The following RFTN1 variants were observed in gnomAD, a reference collection of about 807,000 sequenced individuals.
RFTN1 encodes the protein raftlin.
A neutral mutation model predicts 46.5 loss-of-function variants in RFTN1; 26 were observed. The ratio of observed to expected loss-of-function variants is 0.56; its 90% CI spans 0.41 to 0.78. The LOEUF is 0.78. Among genes scored for constraint, RFTN1 ranks in the 30% least tolerant of loss-of-function variants. The pLI is 0.00. For missense variants in RFTN1, 693 were observed against 718.7 expected (o/e 0.96, Z 0.41); for synonymous variants, 261 against 284.2 (o/e 0.92, Z 0.82).
At chr3:16,358,984 A>G (rs1338964683) in intron 6 of RFTN1, among the ~76,000 whole-genome samples, 1 of 148,216 alleles carries the variant, frequency 6.7e-6, no homozygotes, top group Non-Finnish European at 1.5e-5. Flanking sequence ...GTGAGCCGAG[A>G]TAGCACCACT....
In RFTN1 at chr3:16,473,373, A is replaced by G. The variant is rs1245199308; in HGVS notation, c.145+20352T>C. ...CCTGTCAGATGATTAAATAAGGTCC[A>G]CAAAAATACTCTGTTTTCTTTCTTT... On this transcript the variant is annotated intron_variant, in intron 2 of 9. Coordinates refer to ENST00000334133, the MANE Select transcript of RFTN1 (RefSeq NM_015150.2). The surrounding 1 kb of genome is among the most constrained non-coding windows in gnomAD (Gnocchi z 5.3). Among the ~76,000 whole-genome samples, 3 of 151,900 alleles carry G rather than the reference A, an allele frequency of 2.0e-5. No homozygotes were observed. Among genetic ancestry groups the G allele is most frequent in the African/African-American group, 7.3e-5 (3 of 41,354 alleles).
chr3:16,458,472 G>A lies in RFTN1; in HGVS notation c.146-24435C>T, dbSNP rs1490860223. Among the ~76,000 whole-genome samples the A allele has an allele frequency of 6.6e-6, 1 of 152,210 alleles. No homozygotes were observed. The highest frequency in any genetic ancestry group is 1.9e-4 in the East Asian group (1 of 5,202). On this transcript the variant is annotated intron_variant, in intron 2 of 9. Coordinates refer to ENST00000334133, the MANE Select transcript of RFTN1 (RefSeq NM_015150.2). This position sits in a 1 kb window ranked among gnomAD's most constrained non-coding sequence, Gnocchi z 5.1. ...ATGATGTGAATTTTTCCTTTCACTT[G>A]TCATTAATTCTGTTCATCTGCAAGA...
intron 4 of RFTN1, among the ~76,000 whole-genome samples, chr3:16,399,969 A>G (rs1327258705): frequency 6.6e-6 from 1 of 152,160 alleles, no homozygotes; most frequent in Non-Finnish European, 1.5e-5. Flanking sequence ...GTCTATGAAG[A>G]GTTACTCCAA....
chr3:16,475,967 G>A lies in RFTN1; in HGVS notation c.145+17758C>T, dbSNP rs1262661530. Among the ~76,000 whole-genome samples the A allele has an allele frequency of 6.6e-6, 1 of 152,198 alleles. No individual in the cohort carries two copies. Among genetic ancestry groups the A allele is most frequent in the Non-Finnish European group, 1.5e-5 (1 of 68,036 alleles). ...CTTAAGAGTGTGAATACTGCATGAA[G>A]CATAGACACATCATAGGCAGAAACA... On this transcript the variant is annotated intron_variant, in intron 2 of 9. Transcript: ENST00000334133. The surrounding 1 kb of genome is among the most constrained non-coding windows in gnomAD (Gnocchi z 4.2).
In RFTN1 at chr3:16,377,780, C is replaced by A; in HGVS notation, c.764G>T (p.Ser255Ile). The A allele has an allele frequency of 6.2e-7, 1 of 1,614,012 alleles. No individual in the cohort carries two copies. The highest frequency in any genetic ancestry group is 8.5e-7 in the Non-Finnish European group (1 of 1,179,912). The change falls in exon 5 of 10, where the codon AGC becomes ATC. Residue 255 changes from serine (S) to isoleucine (I), a missense_variant. Transcript: ENST00000334133. ...DGGELSPQGV[S>I]KTLDGPESNP... is the part of the protein sequence containing the mutation. ...GCTCTCCGGTCCATCCAGTGTCTTG[C>A]TCACCCCCTGTGGTGAAAGTTCTCC...
Position 16,335,795 on chromosome 3 carries a change from AG to A in RFTN1, c.1147-8920del, listed in dbSNP as rs926527339. Among the ~76,000 whole-genome samples the A allele has an allele frequency of 4.2e-5, 6 of 142,898 alleles. No individual in the cohort carries two copies. The highest frequency in any genetic ancestry group is 1.4e-4 in the Admixed American group (2 of 14,728). 93.7% of individuals were successfully genotyped at this position (142,898 alleles called of 152,430 possible). A position where few individuals can be genotyped will look rare whatever the true frequency, so the allele number is the denominator to read the frequency against. The stretch of plus-strand genomic sequence containing the variant: ...GAACTTTAAAAAAAAAAAAAAAAAA[AG>A]GAGTTTGATCACACCATCAAATATC... On this transcript the variant is annotated intron_variant, in intron 7 of 9. Transcript: ENST00000334133. This position sits in a 1 kb window ranked among gnomAD's most constrained non-coding sequence, Gnocchi z 4.7.
In RFTN1 at chr3:16,356,742, C is replaced by T. The variant is rs1044723741; in HGVS notation, c.1146+1190G>A. 2.0e-5 allele frequency among the ~76,000 whole-genome samples: 3 copies of T among 152,214 alleles called. No homozygotes were observed. The highest frequency in any genetic ancestry group is 4.8e-5 in the African/African-American group (2 of 41,444). ...GGTTGTATCCACCTCTGTCTTCCCT[C>T]GGCCTGGAGAGCCCTCTTTGGCAGA... On this transcript the variant is annotated intron_variant, in intron 7 of 9. Coordinates refer to ENST00000334133, the MANE Select transcript of RFTN1 (RefSeq NM_015150.2). This position sits in a 1 kb window ranked among gnomAD's most constrained non-coding sequence, Gnocchi z 4.9.
chr3:16,331,664 A>G (rs2070326086), intron 7 of RFTN1, among the ~76,000 whole-genome samples: 2 of 152,080 alleles, frequency 1.3e-5, no homozygotes, highest in Non-Finnish European at 1.5e-5. Context: ...ATTTTTCCCC[A>G]CTGGAGACAT....
intron 2 of RFTN1, among the ~76,000 whole-genome samples, chr3:16,469,806 C>G (rs938261204): frequency 2.6e-5 from 4 of 152,182 alleles, no homozygotes; most frequent in African/African-American, 9.7e-5. Flanking sequence ...CAAAGTCAAC[C>G]CCAGGGGAAG....
intron 3 of RFTN1, among the ~76,000 whole-genome samples, chr3:16,423,001 C>CTA (rs2075216461): frequency 6.7e-6 from 1 of 148,600 alleles, no homozygotes; most frequent in Admixed American, 6.6e-5. Context: ...CCCATCTCTA[C>CTA]AAAAAATACA....
In RFTN1 at chr3:16,433,396, G is replaced by A. The variant is rs1441537156; in HGVS notation, c.332+455C>T. On this transcript the variant is annotated intron_variant, in intron 3 of 9. Transcript: ENST00000334133. The surrounding 1 kb of genome is among the most constrained non-coding windows in gnomAD (Gnocchi z 4.4). ...GTATTTTTTTAACTGTCAAGTGATT[G>A]ACAGAATTTATGGTAGGCGCAAAAT... Among the ~76,000 whole-genome samples the A allele has an allele frequency of 6.6e-6, 1 of 152,122 alleles. No individual in the cohort carries two copies. The highest frequency in any genetic ancestry group is 1.5e-5 in the Non-Finnish European group (1 of 68,020).
rs1452016813 is a variant in RFTN1, at chr3:16,440,027, A to G, written c.146-5990T>C. Among the ~76,000 whole-genome samples, 1 of 152,190 alleles carries G rather than the reference A, an allele frequency of 6.6e-6. No individual in the cohort carries two copies. Among genetic ancestry groups the G allele is most frequent in the Non-Finnish European group, 1.5e-5 (1 of 68,032 alleles). Reference sequence around the variant, plus strand: ...GCTGAACCACATGAACCGTCTCATCATAAGTTAAAATTTCTAATTATAACT... The same window carrying G: ...GCTGAACCACATGAACCGTCTCATCGTAAGTTAAAATTTCTAATTATAACT... On this transcript the variant is annotated intron_variant, in intron 2 of 9. Transcript: ENST00000334133. The surrounding 1 kb of genome is among the most constrained non-coding windows in gnomAD (Gnocchi z 4.6).
chr3:16,491,305 A>G (rs1485765588), intron 2 of RFTN1, among the ~76,000 whole-genome samples: 3 of 152,148 alleles, frequency 2.0e-5, no homozygotes, highest in Non-Finnish European at 2.9e-5. Flanking sequence ...CAAAAGAGCA[A>G]AGTCAAAGCA....
rs558992690 is a variant in RFTN1, at chr3:16,449,876, A to G, written c.146-15839T>C. On this transcript the variant is annotated intron_variant, in intron 2 of 9. Coordinates refer to ENST00000334133, the MANE Select transcript of RFTN1 (RefSeq NM_015150.2). The surrounding 1 kb of genome is among the most constrained non-coding windows in gnomAD (Gnocchi z 5.1). ...GAGGAAGGGGCAGGGCGTGTCTGCA[A>G]TGGAACTGCAGAAGCCTAGAGAGCT... is the stretch of plus-strand genomic sequence containing the variant. 4.2e-4 allele frequency among the ~76,000 whole-genome samples: 64 copies of G among 152,288 alleles called. No individual in the cohort carries two copies. The Middle Eastern group carries it at 0.01, about 24-fold the overall frequency.
At position 16,381,690 on chromosome 3, in the gene RFTN1, TCATGATGG is replaced by T. The variant is rs1257228092; in HGVS notation, c.442-3596_442-3589del. ...CAATCCATGTAAAGGCAAGGAAGGA[TCATGATGG>T]GCAAAAGCGTGACAGTATGCAACAG... On this transcript the variant is annotated intron_variant, in intron 4 of 9. Coordinates refer to ENST00000334133, the MANE Select transcript of RFTN1 (RefSeq NM_015150.2). This position sits in a 1 kb window ranked among gnomAD's most constrained non-coding sequence, Gnocchi z 4.2. Among the ~76,000 whole-genome samples, 2 of 152,080 alleles carry T rather than the reference TCATGATGG, an allele frequency of 1.3e-5. No homozygotes were observed. The highest frequency in any genetic ancestry group is 2.4e-5 in the African/African-American group (1 of 41,386).
At chr3:16,503,370 C>G (rs2076746550) in intron 1 of RFTN1, among the ~76,000 whole-genome samples, 2 of 152,170 alleles carry the variant, frequency 1.3e-5, no homozygotes, top group Non-Finnish European at 2.9e-5. Flanking sequence ...TTTGAGAAAC[C>G]CTGAGCTGTG....
At position 16,480,741 on chromosome 3, in the gene RFTN1, T is replaced by G. The variant is rs953770718; in HGVS notation, c.145+12984A>C. 8.5e-5 allele frequency among the ~76,000 whole-genome samples: 13 copies of G among 152,316 alleles called. No homozygotes were observed. The highest frequency in any genetic ancestry group is 2.6e-4 in the African/African-American group (11 of 41,568). ...GAAATTAGAGAAAGCTTAAAATTCT[T>G]TAACGCAATATTGCTAATAATAATT... On this transcript the variant is annotated intron_variant, in intron 2 of 9. Coordinates refer to ENST00000334133, the MANE Select transcript of RFTN1 (RefSeq NM_015150.2). The surrounding 1 kb of genome is among the most constrained non-coding windows in gnomAD (Gnocchi z 4.3).
In RFTN1 at chr3:16,506,365, C is replaced by T. The variant is rs2076806378; in HGVS notation, c.-9+7077G>A. 6.6e-6 allele frequency among the ~76,000 whole-genome samples: 1 copy of T among 152,102 alleles called. No homozygotes were observed. The highest frequency in any genetic ancestry group is 2.1e-4 in the South Asian group (1 of 4,816). ...AGGCCTGGCCGGGCCGTGAGCACTT[C>T]AGCTTTACCCTGACTGAGTTGGAAG... is the stretch of plus-strand genomic sequence containing the variant. On this transcript the variant is annotated intron_variant, in intron 1 of 9. Coordinates refer to ENST00000334133, the MANE Select transcript of RFTN1 (RefSeq NM_015150.2). This position sits in a 1 kb window ranked among gnomAD's most constrained non-coding sequence, Gnocchi z 4.8.
chr3:16,318,555 C>T (rs77338905), intron 9 of RFTN1, among the ~76,000 whole-genome samples: 4,367 of 152,290 alleles, frequency 0.029, 104 homozygotes, highest in Non-Finnish European at 0.038. Context: ...CGGTAGAGAT[C>T]TGTTTCCTCA....
Sources: allele counts gnomAD v4.1 joint callset (sites outside exome capture counted in the v4.1 genomes callset), GRCh38; gene constraint gnomAD v4.1.1; non-coding constraint Gnocchi (gnomAD v3.1); transcripts MANE v1.5; gene names NCBI Gene and HGNC (gene_info 2026-07-23, HGNC 2026-07-21).